SAMD4A: variants seen among roughly 807,000 people sequenced by gnomAD.
SAMD4A encodes the protein sterile alpha motif domain containing 4A.
In SAMD4A, 33 loss-of-function variants were observed where a neutral mutation model predicts 81.3. The observed-to-expected ratio is 0.41, with a 90% CI of 0.31 to 0.54. The LOEUF is 0.54. Ranked by LOEUF, SAMD4A falls within the 20% of genes least tolerant of loss-of-function variation. The pLI is 0.37. For synonymous variants in SAMD4A, 389 were observed against 382.1 expected, an observed-to-expected ratio of 1.02 and a Z score of -0.21; for missense variants, 854 against 951.1, an observed-to-expected ratio of 0.90 and a Z score of 1.34.
intron 2 of SAMD4A, among the ~76,000 whole-genome samples, chr14:54,569,601 G>A (rs1362163435): frequency 6.6e-6 from 1 of 152,194 alleles, no homozygotes; most frequent in African/African-American, 2.4e-5. Flanking sequence ...ACTGGGGTGT[G>A]GAAGCATAAT....
In SAMD4A at chr14:54,774,970, T is replaced by A; in HGVS notation, c.1752T>A (p.Ala584=). The A allele has an allele frequency of 6.2e-7, 1 of 1,614,250 alleles. No individual in the cohort carries two copies. The highest frequency in any genetic ancestry group is 8.5e-7 in the Non-Finnish European group (1 of 1,180,044). The part of the protein sequence containing the change: ...GFGQSNSLPT[A]GSVGGGMGRR... ...GGCAATCCAACTCCCTCCCGACGGC[T>A]GGCTCTGTGGGCGGTGGCATGGGCA... is the stretch of plus-strand genomic sequence containing the variant. Residue 584 remains alanine (A), a synonymous_variant, in exon 10 of 13, where the codon GCT becomes GCA. Coordinates refer to ENST00000554335, the MANE Select transcript of SAMD4A (RefSeq NM_015589.6).
chr14:54,720,988 C>T (rs1223987806), intron 3 of SAMD4A, among the ~76,000 whole-genome samples: 1 of 152,200 alleles, frequency 6.6e-6, no homozygotes, highest in Non-Finnish European at 1.5e-5. Flanking sequence ...TTCAAGTGGT[C>T]TGCTGATAAC....
Position 54,788,974 on chromosome 14 carries a change from C to T in SAMD4A, c.*30C>T, listed in dbSNP as rs367679236. 1.7e-5 allele frequency: 28 copies of T among 1,613,116 alleles called. No homozygotes were observed. Among genetic ancestry groups the T allele is most frequent in the African/African-American group, 1.5e-4 (11 of 74,902 alleles). On this transcript the variant is annotated 3_prime_UTR_variant, in exon 13 of 13. Transcript: ENST00000554335. Reference sequence around the variant, plus strand: ...TGAAGACGAGAGTGACCGCGCTGGCCGTGAAATCGACTGCTGCGGGTCCAG... The same window carrying T: ...TGAAGACGAGAGTGACCGCGCTGGCTGTGAAATCGACTGCTGCGGGTCCAG...
chr14:54,619,414 C>G (rs2034563745), intron 2 of SAMD4A, among the ~76,000 whole-genome samples: 1 of 152,144 alleles, frequency 6.6e-6, no homozygotes, highest in Non-Finnish European at 1.5e-5. Flanking sequence ...TTTCACATAG[C>G]AGGTGTTTTT....
At chr14:54,590,490 C>CA (rs1451822494) in intron 2 of SAMD4A, among the ~76,000 whole-genome samples, 2 of 152,042 alleles carry the variant, frequency 1.3e-5, no homozygotes, top group African/African-American at 4.8e-5. Context: ...GGCCCTGTCT[C>CA]AAAAAATAAA....
In SAMD4A at chr14:54,607,314, G is replaced by A. The variant is rs1162032529; in HGVS notation, c.196+39202G>A. ...TTAAAATGGGAATTAAGGCTGTGAG[G>A]AGACAGGAATGTATTGGAAAATGCC... is the stretch of plus-strand genomic sequence containing the variant. On this transcript the variant is annotated intron_variant, in intron 2 of 12. Transcript: ENST00000554335. 2.0e-5 allele frequency among the ~76,000 whole-genome samples: 3 copies of A among 152,154 alleles called. No homozygotes were observed. In the East Asian group the frequency reaches 5.8e-4, roughly 29 times the overall value.
At chr14:54,788,202 C>T (rs1205682341) in intron 12 of SAMD4A, among the ~76,000 whole-genome samples, 7 of 152,160 alleles carry the variant, frequency 4.6e-5, no homozygotes, top group Non-Finnish European at 1.0e-4. Context: ...TCAGATGTGT[C>T]CATCCCTCTG....
intron 11 of SAMD4A, among the ~76,000 whole-genome samples, chr14:54,780,291 G>T (rs1167318397): frequency 4.6e-5 from 7 of 152,266 alleles, no homozygotes; most frequent in Admixed American, 3.3e-4. Context: ...GCATTTCATG[G>T]TGTGACTTAC....
chr14:54,696,995 T>C (rs1167648466), intron 2 of SAMD4A: 1 of 152,208 alleles, frequency 6.6e-6, no homozygotes, highest in Non-Finnish European at 1.5e-5. Flanking sequence ...AAGTGATCAA[T>C]TAATTGAAAA....
At chr14:54,724,591 G>A (rs923761534) in intron 3 of SAMD4A, among the ~76,000 whole-genome samples, 1 of 152,180 alleles carries the variant, frequency 6.6e-6, no homozygotes, top group African/African-American at 2.4e-5. Flanking sequence ...TCACAGGTGG[G>A]TCTTTGGGTT....
At chr14:54,733,011 A>T (rs559354910) in intron 3 of SAMD4A, among the ~76,000 whole-genome samples, 24 of 152,342 alleles carry the variant, frequency 1.6e-4, no homozygotes, top group African/African-American at 5.5e-4. Flanking sequence ...AACAGAATGC[A>T]GAGCCAGGTG....
chr14:54,771,517 C>T (rs1049775048), intron 9 of SAMD4A, among the ~76,000 whole-genome samples: 3 of 152,132 alleles, frequency 2.0e-5, no homozygotes, highest in African/African-American at 7.2e-5. Flanking sequence ...GGACCAGTTC[C>T]CTGGCCCCAA....
At chr14:54,757,837 C>T (rs2038286954) in intron 6 of SAMD4A, among the ~76,000 whole-genome samples, 1 of 152,182 alleles carries the variant, frequency 6.6e-6, no homozygotes, top group Non-Finnish European at 1.5e-5. Context: ...AGGTAGGATC[C>T]AGGGGTCCCC....
rs1260353809 is a variant in SAMD4A, at chr14:54,634,828, A to G, written c.196+66716A>G. On this transcript the variant is annotated intron_variant, in intron 2 of 12. Transcript: ENST00000554335. ...GAATATACTGACACGTTATTTATAT[A>G]GTTAAAAATAAATTCTAAAAATATA... 2.6e-5 allele frequency among the ~76,000 whole-genome samples: 4 copies of G among 152,204 alleles called. No individual in the cohort carries two copies. In the South Asian group the frequency reaches 8.3e-4, roughly 32 times the overall value.
At chr14:54,633,113 G>C (rs183816093) in intron 2 of SAMD4A, among the ~76,000 whole-genome samples, 1 of 152,338 alleles carries the variant, frequency 6.6e-6, no homozygotes, top group Non-Finnish European at 1.5e-5. Flanking sequence ...GTCTGAAGAG[G>C]TTATACCAAC....
At chr14:54,761,233 GCA>G (rs1322861327) in intron 7 of SAMD4A, among the ~76,000 whole-genome samples, 3 of 152,194 alleles carry the variant, frequency 2.0e-5, no homozygotes, top group African/African-American at 7.2e-5. Context: ...GGAAACTGAG[GCA>G]CACAGGCTAA....
intron 3 of SAMD4A, among the ~76,000 whole-genome samples, chr14:54,713,202 T>C (rs760368967): frequency 2.0e-5 from 3 of 152,164 alleles, no homozygotes; most frequent in Non-Finnish European, 4.4e-5. Context: ...TATCTTTAAT[T>C]TCAAAAAATT....
intron 2 of SAMD4A, among the ~76,000 whole-genome samples, chr14:54,671,538 G>A (rs1005494807): frequency 6.6e-6 from 1 of 152,210 alleles, no homozygotes; most frequent in Non-Finnish European, 1.5e-5. Context: ...CCAGGAGGAA[G>A]CACAGCCAAG....
chr14:54,734,165 A>G (rs1187026181), intron 3 of SAMD4A, among the ~76,000 whole-genome samples: 3 of 152,250 alleles, frequency 2.0e-5, no homozygotes, highest in Admixed American at 6.5e-5. Context: ...ACCTGTTTTA[A>G]TCTCCTTCCC....
Sources: gnomAD v4.1 joint callset for allele counts (sites outside exome capture counted in the v4.1 genomes callset) on GRCh38, gnomAD v4.1.1 for gene constraint, MANE v1.5 for transcripts, NCBI Gene and HGNC (gene_info 2026-07-23, HGNC 2026-07-21) for gene names.